MACROD2: variants seen among roughly 807,000 people sequenced by gnomAD.
MACROD2 encodes ADP-ribose glycohydrolase MACROD2.
MACROD2 carries 36 observed loss-of-function variants against 70.4 expected under a neutral mutation model. That is an observed-to-expected ratio of 0.51 (90% CI 0.39 to 0.68). The LOEUF (loss-of-function observed/expected upper bound fraction) is 0.68. MACROD2 is among the 30% of genes least tolerant of loss of function. The probability of loss-of-function intolerance (pLI) is 0.00; values close to 1 mark genes in which losing one functional copy is unlikely to be tolerated. For missense variants in MACROD2, 496 were observed against 538.4 expected, an observed-to-expected ratio of 0.92 and a Z score of 0.78; for synonymous variants, 172 against 178.8, an observed-to-expected ratio of 0.96 and a Z score of 0.30.
intron 3 of MACROD2, among the ~76,000 whole-genome samples, chr20:14,389,182 C>T (rs1367037845): frequency 1.3e-5 from 2 of 151,740 alleles, no homozygotes; most frequent in African/African-American, 4.8e-5. Context: ...GGCTGGCCAT[C>T]GGCCAATTAT....
At chr20:15,149,722 C>A (rs2076255627) in intron 5 of MACROD2, among the ~76,000 whole-genome samples, 1 of 151,988 alleles carries the variant, frequency 6.6e-6, no homozygotes, top group Non-Finnish European at 1.5e-5. Context: ...TGATGGCCAG[C>A]CTAAAACAGT....
At chr20:14,721,744 T>C (rs1323112852) in intron 5 of MACROD2, among the ~76,000 whole-genome samples, 1 of 152,178 alleles carries the variant, frequency 6.6e-6, no homozygotes, top group African/African-American at 2.4e-5. Flanking sequence ...TTCAAGACTC[T>C]CCTAAATTTA....
chr20:14,108,197 T>C (rs2054397812), intron 3 of MACROD2, among the ~76,000 whole-genome samples: 1 of 151,988 alleles, frequency 6.6e-6, no homozygotes, highest in Admixed American at 6.6e-5. Context: ...TTTAAAATAT[T>C]GGGTTATAAG....
intron 5 of MACROD2, among the ~76,000 whole-genome samples, chr20:14,768,756 A>T (rs1041965258): frequency 2.0e-5 from 3 of 152,016 alleles, no homozygotes; most frequent in Non-Finnish European, 4.4e-5. Context: ...AGCTGGGATT[A>T]CAGGCCTGCA....
intron 6 of MACROD2, among the ~76,000 whole-genome samples, chr20:15,420,295 T>C (rs2046210047): frequency 6.6e-6 from 1 of 152,216 alleles, no homozygotes; most frequent in African/African-American, 2.4e-5. Flanking sequence ...AGTCGAATAG[T>C]TATAAACATG....
intron 4 of MACROD2, among the ~76,000 whole-genome samples, chr20:14,529,400 G>A (rs528477300): frequency 4.6e-5 from 7 of 152,258 alleles, no homozygotes; most frequent in South Asian, 4.1e-4. Context: ...TTTTCACCTC[G>A]TGTTTTTGAT....
chr20:15,949,266 T>C (rs991530603), intron 12 of MACROD2, among the ~76,000 whole-genome samples: 1 of 152,204 alleles, frequency 6.6e-6, no homozygotes, highest in Non-Finnish European at 1.5e-5. Flanking sequence ...TAGTAAACTT[T>C]GAGTTGGCAG....
At chr20:14,313,530 G>A (rs1009773030) in intron 3 of MACROD2, among the ~76,000 whole-genome samples, 3 of 151,422 alleles carry the variant, frequency 2.0e-5, no homozygotes, top group Non-Finnish European at 2.9e-5. Context: ...AAGGAAAAGC[G>A]AAGAATTGGC....
chr20:14,912,010 A>C (rs1422561211), intron 5 of MACROD2, among the ~76,000 whole-genome samples: 2 of 152,158 alleles, frequency 1.3e-5, no homozygotes, highest in Non-Finnish European at 2.9e-5. Context: ...AACGGGAGAT[A>C]GTGATTAGCC....
rs543323702 is a variant in MACROD2 at position 15,956,204 on chromosome 20, C to T, written c.908-11349C>T. Among the ~76,000 whole-genome samples the T allele has an allele frequency of 3.9e-5, 6 of 152,258 alleles. No individual in the cohort carries two copies. The South Asian group carries it at 1.0e-3, about 26-fold the overall frequency. On this transcript the variant is annotated intron_variant, in intron 12 of 17. Transcript: ENST00000684519. The stretch of plus-strand genomic sequence containing the variant: ...GTAGGAATTGTCTATTACTTTTAGT[C>T]TTTAAGCTTTGTTCTTAAGGAGTTC...
At chr20:15,543,197 T>G (rs1316846287) in intron 8 of MACROD2, among the ~76,000 whole-genome samples, 1 of 152,232 alleles carries the variant, frequency 6.6e-6, no homozygotes, top group Non-Finnish European at 1.5e-5. Context: ...AAGTTTTGGT[T>G]TGAGTCCACT....
At chr20:15,234,233 C>T (rs1177863739) in intron 6 of MACROD2, among the ~76,000 whole-genome samples, 2 of 147,294 alleles carry the variant, frequency 1.4e-5, no homozygotes, top group African/African-American at 2.5e-5. Flanking sequence ...GGGGTTTCAC[C>T]GTGTTAGCCA....
chr20:14,666,738 G>A (rs889403496), intron 4 of MACROD2, among the ~76,000 whole-genome samples: 1 of 151,630 alleles, frequency 6.6e-6, no homozygotes, highest in Non-Finnish European at 1.5e-5. Flanking sequence ...TTACTAAAGT[G>A]TTGTTCAGAG....
chr20:15,321,093 A>G (rs1462900296), intron 6 of MACROD2, among the ~76,000 whole-genome samples: 2 of 104,442 alleles, frequency 1.9e-5, no homozygotes, highest in East Asian at 5.2e-4. Context: ...TTGTTTCAAA[A>G]TGCATGCCAT....
intron 5 of MACROD2, among the ~76,000 whole-genome samples, chr20:14,891,144 T>G (rs2073755251): frequency 6.6e-6 from 1 of 152,098 alleles, no homozygotes; most frequent in East Asian, 1.9e-4. Flanking sequence ...GACAGTATGA[T>G]TTTAATGAAT....
At chr20:14,042,216 A>G (rs1319320389) in intron 2 of MACROD2, among the ~76,000 whole-genome samples, 4 of 152,206 alleles carry the variant, frequency 2.6e-5, no homozygotes, top group Non-Finnish European at 5.9e-5. Context: ...TGTAGAATCC[A>G]GAGTACTAAG....
chr20:15,777,534 C>CTTCCTTCCTTCCTTCCTTCCTTCT, intron 8 of MACROD2, among the ~76,000 whole-genome samples: 1 of 49,476 alleles, frequency 2.0e-5, no homozygotes, highest in African/African-American at 8.8e-5. Context: ...TCCTTCCTTC[C>CTTCCTTCCTTCCTTCCTTCCTTCT]TTCCTTCCTT....
chr20:15,932,346 C>T (rs1417449490), intron 10 of MACROD2, among the ~76,000 whole-genome samples: 3 of 152,092 alleles, frequency 2.0e-5, no homozygotes, highest in Non-Finnish European at 4.4e-5. Context: ...ATATCACTTC[C>T]ACCATATTTC....
intron 3 of MACROD2, among the ~76,000 whole-genome samples, chr20:14,370,543 A>T (rs937463248): frequency 2.6e-5 from 4 of 152,184 alleles, no homozygotes; most frequent in African/African-American, 7.2e-5. Flanking sequence ...CATCTAAAGG[A>T]TGAAATTCCC....
Sources: gnomAD v4.1 joint callset for allele counts (sites outside exome capture counted in the v4.1 genomes callset) on GRCh38, gnomAD v4.1.1 for gene constraint, MANE v1.5 for transcripts, NCBI Gene and HGNC (gene_info 2026-07-23, HGNC 2026-07-21) for gene names.